Variants in UBXN2B observed in about 807,000 individuals in gnomAD.
UBXN2B encodes the protein UBX domain-containing protein 2B.
A neutral mutation model predicts 37.5 loss-of-function variants in UBXN2B; 19 were observed. The ratio of observed to expected loss-of-function variants is 0.51; its 90% CI spans 0.35 to 0.74. The LOEUF (loss-of-function observed/expected upper bound fraction) is 0.74. Ranked by LOEUF, UBXN2B falls within the 30% of genes least tolerant of loss-of-function variation. UBXN2B has a pLI of 0.01. For synonymous variants in UBXN2B, 145 were observed against 143.8 expected (o/e 1.01, Z -0.06); for missense variants, 370 against 393.2 (o/e 0.94, Z 0.50).
rs1563469087 is a variant in UBXN2B at position 58,446,046 on chromosome 8, C to G, written c.811C>G (p.Gln271Glu). The change falls in exon 7 of 8, where the codon CAA (glutamine) becomes GAA (glutamate). Residue 271 changes from glutamine (Q) to glutamate (E), a missense_variant. Physicochemically the swap from Gln to Glu is conservative, Grantham distance 29. This residue lies in a region of UBXN2B where 83 missense variants were observed against 83.5 expected (regional missense o/e 0.99). Coordinates refer to ENST00000399598, the MANE Select transcript of UBXN2B (RefSeq NM_001077619.2). Reference protein sequence around the residue: ...IRLADGSRLIQRFNSTHRILD... With the variant: ...IRLADGSRLIERFNSTHRILD... Reference sequence around the variant, plus strand: ...GTTAGCAGATGGGAGTCGTTTGATACAAAGATTCAATAGTACACACAGGTA... The same window carrying G: ...GTTAGCAGATGGGAGTCGTTTGATAGAAAGATTCAATAGTACACACAGGTA... 1 of 1,610,150 alleles carries G rather than the reference C, an allele frequency of 6.2e-7. No homozygotes were observed. The highest frequency in any genetic ancestry group is 2.2e-5 in the East Asian group (1 of 44,628).
At chr8:58,416,079 C>A (rs1413223495) in intron 1 of UBXN2B, among the ~76,000 whole-genome samples, 26 of 145,068 alleles carry the variant, frequency 1.8e-4, no homozygotes, top group African/African-American at 2.3e-4. Flanking sequence ...AAAAAAAAAA[C>A]CGGAGATTAT....
chr8:58,444,555 C>A (rs1369762492), intron 6 of UBXN2B, among the ~76,000 whole-genome samples: 1 of 152,088 alleles, frequency 6.6e-6, no homozygotes, highest in East Asian at 1.9e-4. Flanking sequence ...AATGTGTATA[C>A]CTGGTTATCA....
At chr8:58,421,952 G>A (rs1807936432) in intron 2 of UBXN2B, among the ~76,000 whole-genome samples, 1 of 152,202 alleles carries the variant, frequency 6.6e-6, no homozygotes, top group South Asian at 2.1e-4. Context: ...CTTAAGCAAC[G>A]GGCAGAGATG....
At chr8:58,438,881 A>G (rs1329933746) in intron 5 of UBXN2B, among the ~76,000 whole-genome samples, 1 of 152,132 alleles carries the variant, frequency 6.6e-6, no homozygotes, top group Non-Finnish European at 1.5e-5. Context: ...TGTGACCTCC[A>G]TTACTGAGGT....
chr8:58,428,166 TC>T, intron 2 of UBXN2B, among the ~76,000 whole-genome samples: 1 of 152,152 alleles, frequency 6.6e-6, no homozygotes, highest in Non-Finnish European at 1.5e-5. Context: ...GGAGCAAAAA[TC>T]TTACCACAGG....
At chr8:58,434,575 T>G in intron 5 of UBXN2B, 71 bp downstream of exon 5, 1 of 1,141,810 alleles carries the variant, frequency 8.8e-7, no homozygotes, top group Non-Finnish European at 1.2e-6. Flanking sequence ...CTACTCATTA[T>G]TAGTGCACTA....
intron 2 of UBXN2B, chr8:58,424,907 C>T: frequency 1.1e-6 from 1 of 935,592 alleles, no homozygotes; most frequent in Admixed American, 1.7e-5. Context: ...TTGAGAACGT[C>T]AATGTTGCAG....
intron 2 of UBXN2B, chr8:58,426,560 T>G (rs1808097400): frequency 1.3e-6 from 1 of 752,686 alleles, no homozygotes; most frequent in Admixed American, 1.7e-5. Flanking sequence ...TAACAAAAAG[T>G]GTGAAGTCTC....
chr8:58,416,025 G>GT (rs964262235), intron 1 of UBXN2B, among the ~76,000 whole-genome samples: 4 of 145,910 alleles, frequency 2.7e-5, no homozygotes, highest in Non-Finnish European at 6.0e-5. Context: ...ATGATTTTGG[G>GT]TTTTTTTGTT....
intron 2 of UBXN2B, among the ~76,000 whole-genome samples, chr8:58,423,803 A>G (rs1297639689): frequency 1.3e-5 from 2 of 151,990 alleles, no homozygotes; most frequent in Non-Finnish European, 2.9e-5. Flanking sequence ...TTGACAACCA[A>G]AAACACTGGT....
Position 58,430,542 on chromosome 8 carries a change from A to G in UBXN2B, c.212A>G (p.Tyr71Cys). 1 of 1,595,008 alleles carries G rather than the reference A, an allele frequency of 6.3e-7. No individual in the cohort carries two copies. Among genetic ancestry groups the G allele is most frequent in the Non-Finnish European group, 8.5e-7 (1 of 1,170,190 alleles). The change falls in exon 3 of 8, where the codon TAC becomes TGC. Residue 71 changes from tyrosine to cysteine, a missense_variant. This residue lies in a region of UBXN2B where 197 missense variants were observed against 170.2 expected (regional missense o/e 1.16). Coordinates refer to ENST00000399598, the MANE Select transcript of UBXN2B (RefSeq NM_001077619.2). ...AGGTTTTACTCAAGTGAACATGAAT[A>G]CAGTGGATTAAATATAGTTCGACCT... ...PQRFYSSEHE[Y>C]SGLNIVRPST...
chr8:58,421,743 A>C (rs1807931699), intron 2 of UBXN2B, among the ~76,000 whole-genome samples: 1 of 152,218 alleles, frequency 6.6e-6, no homozygotes, highest in South Asian at 2.1e-4. Context: ...ACCTCATCTG[A>C]GAACCTGCAA....
At chr8:58,418,549 T>C (rs1563456703) in intron 2 of UBXN2B, among the ~76,000 whole-genome samples, 1 of 152,248 alleles carries the variant, frequency 6.6e-6, no homozygotes. Context: ...ATTAGATTTT[T>C]ATTAGAATTT....
rs1808782761 is a variant in UBXN2B at position 58,450,684 on chromosome 8, T to C, written c.*3133T>C. On this transcript the variant is annotated 3_prime_UTR_variant, in exon 8 of 8. Coordinates refer to ENST00000399598, the MANE Select transcript of UBXN2B (RefSeq NM_001077619.2). Reference sequence around the variant, plus strand: ...AGCCACTTTTCTACTTTTAGGTATTTGTTACAGCAGCACCTCAAGTACCTA... The same window carrying C: ...AGCCACTTTTCTACTTTTAGGTATTCGTTACAGCAGCACCTCAAGTACCTA... 6.6e-6 allele frequency: 1 copy of C among 152,260 alleles called. No individual in the cohort carries two copies. The highest frequency in any genetic ancestry group is 1.5e-5 in the Non-Finnish European group (1 of 68,058). 9.4% of individuals were successfully genotyped at this position (152,260 alleles called of 1,614,324 possible). A position where few individuals can be genotyped will look rare whatever the true frequency, so the allele number is the denominator to read the frequency against.
Position 58,441,410 on chromosome 8 carries a change from A to G in UBXN2B, c.671+1640A>G, listed in dbSNP as rs79334943. ...GTATGTATGTGTATATATAGTATGT[A>G]TGTATGTTCTTAATTTTGTATCACT... is the stretch of plus-strand genomic sequence containing the variant. On this transcript the variant is annotated intron_variant, in intron 6 of 7. Transcript: ENST00000399598. Among the ~76,000 whole-genome samples the G allele has an allele frequency of 1.8e-3, 259 of 142,366 alleles. 13 individuals carry two copies. In the East Asian group the frequency reaches 0.048, roughly 26 times the overall value. The allele number at this position is 142,366 out of a possible 152,430, so 93.4% of individuals were successfully genotyped here.
At chr8:58,434,949 G>T (rs1251770558) in intron 5 of UBXN2B, 1 of 1,535,342 alleles carries the variant, frequency 6.5e-7, no homozygotes, top group African/African-American at 1.4e-5. Flanking sequence ...ATTTCAAAAG[G>T]TTAGTTTGAA....
chr8:58,441,252 C>T (rs1272383540), intron 6 of UBXN2B, among the ~76,000 whole-genome samples: 2 of 151,232 alleles, frequency 1.3e-5, no homozygotes, highest in Non-Finnish European at 2.9e-5. Flanking sequence ...CCTTGGCCTG[C>T]CAAAGTGCCT....
intron 2 of UBXN2B, among the ~76,000 whole-genome samples, chr8:58,421,251 A>G (rs950761612): frequency 1.7e-4 from 26 of 151,994 alleles, no homozygotes; most frequent in Admixed American, 1.6e-3. Context: ...TCTCATCCCC[A>G]TTTAGCCACA....
rs531832732 is a variant in UBXN2B, at chr8:58,411,405, C to G, written c.20C>G (p.Pro7Arg). The change falls in exon 1 of 8, where the codon CCT (proline) becomes CGT (arginine). Residue 7 changes from proline to arginine, a missense_variant. Physicochemically the swap from Pro to Arg is moderately radical, Grantham distance 103. This residue lies in a region of UBXN2B where 197 missense variants were observed against 170.2 expected (regional missense o/e 1.16). Coordinates refer to ENST00000399598, the MANE Select transcript of UBXN2B (RefSeq NM_001077619.2). ...CGGAAGATGGCGGAGGGCGGAGGCC[C>G]TGAGCCCGGCGAGCAGGAGAGGAGG... MAEGGGPEPGEQERRSS... is the reference protein window; with the variant it reads MAEGGGREPGEQERRSS... 3.2e-6 allele frequency: 4 copies of G among 1,269,352 alleles called. No individual in the cohort carries two copies. The South Asian group carries it at 8.6e-5, about 27-fold the overall frequency. 78.6% of individuals were successfully genotyped at this position (1,269,352 alleles called of 1,614,324 possible).
Sources: allele counts gnomAD v4.1 joint callset (sites outside exome capture counted in the v4.1 genomes callset), GRCh38; gene constraint gnomAD v4.1.1; regional missense constraint gnomAD v4.1.1; transcripts MANE v1.5; gene names NCBI Gene and HGNC (gene_info 2026-07-23, HGNC 2026-07-21).